CSMD1: variants seen among roughly 807,000 people sequenced by gnomAD.
CSMD1 encodes CUB and sushi domain-containing protein 1.
A neutral mutation model predicts 417.5 loss-of-function variants in CSMD1; 213 were observed. The ratio of observed to expected loss-of-function variants is 0.51; its 90% CI spans 0.46 to 0.57. CSMD1 has a LOEUF of 0.57. Ranked by LOEUF, CSMD1 falls within the 20% of genes least tolerant of loss-of-function variation. The pLI, the probability that CSMD1 is intolerant of heterozygous loss-of-function variation, is 0.00. For missense variants in CSMD1, 6,923 were observed against 4,529.7 expected, an observed-to-expected ratio of 1.53 and a Z score of -15.17; for synonymous variants, 2,862 against 1,736.8, an observed-to-expected ratio of 1.65 and a Z score of -16.11.
At chr8:4,915,904 T>G (rs1806034365) in intron 1 of CSMD1, among the ~76,000 whole-genome samples, 1 of 152,120 alleles carries the variant, frequency 6.6e-6, no homozygotes, top group Admixed American at 6.6e-5. Context: ...CAGGCAGGAG[T>G]GGCTCTTCAT....
At position 3,588,049 on chromosome 8, in the gene CSMD1, G is replaced by C. The variant is rs527236649; in HGVS notation, c.1098-1789C>G. Among the ~76,000 whole-genome samples the C allele has an allele frequency of 4.4e-4, 67 of 151,596 alleles. 2 individuals carry two copies. In the East Asian group the frequency reaches 0.011, roughly 26 times the overall value. ...TCTGCCGCCATCGTTTTTGATCATTGGTCTGTGTTTAAACCTCATTTAAGA... is the reference window on the plus strand; with the variant it reads ...TCTGCCGCCATCGTTTTTGATCATTCGTCTGTGTTTAAACCTCATTTAAGA... On this transcript the variant is annotated intron_variant, in intron 8 of 69. Transcript: ENST00000635120.
At chr8:3,142,785 G>A (rs1818584335) in intron 40 of CSMD1, 111 bp from the exon 41 acceptor site, 7 of 932,716 alleles carry the variant, frequency 7.5e-6, no homozygotes, top group Non-Finnish European at 1.2e-5. Flanking sequence ...CCCTCTCTGT[G>A]AGACAGAACC....
At chr8:4,219,021 T>C (rs898598551) in intron 3 of CSMD1, among the ~76,000 whole-genome samples, 3 of 152,168 alleles carry the variant, frequency 2.0e-5, no homozygotes, top group Admixed American at 2.0e-4. Context: ...AAGTCACACT[T>C]TGTGTCATTT....
At chr8:3,234,149 G>A (rs1799015464) in intron 26 of CSMD1, among the ~76,000 whole-genome samples, 1 of 152,142 alleles carries the variant, frequency 6.6e-6, no homozygotes, top group South Asian at 2.1e-4. Context: ...CATCACAGAG[G>A]ATCAGCAGAG....
At chr8:4,909,929 C>G (rs1805551646) in intron 1 of CSMD1, among the ~76,000 whole-genome samples, 2 of 152,298 alleles carry the variant, frequency 1.3e-5, no homozygotes, top group Middle Eastern at 3.4e-3. Context: ...GAGCCCTTTA[C>G]ACGACTAGCT....
chr8:4,611,590 C>T (rs537393609), intron 2 of CSMD1, among the ~76,000 whole-genome samples: 1 of 152,246 alleles, frequency 6.6e-6, no homozygotes, highest in East Asian at 1.9e-4. Flanking sequence ...CCTCACCTCA[C>T]CAGAAGATGA....
chr8:4,308,389 G>C (rs1174511562), intron 3 of CSMD1, among the ~76,000 whole-genome samples: 2 of 151,794 alleles, frequency 1.3e-5, no homozygotes, highest in African/African-American at 2.4e-5. Context: ...ACAGTCTGTG[G>C]TGTATTCGTG....
chr8:3,171,211 C>CTATACTTCCTG (rs1820563373), intron 37 of CSMD1, among the ~76,000 whole-genome samples: 1 of 152,164 alleles, frequency 6.6e-6, no homozygotes, highest in East Asian at 1.9e-4. Context: ...TATAAAGTAT[C>CTATACTTCCTG]GCATGACTTC....
chr8:3,269,760 A>G (rs1801702600), intron 26 of CSMD1, among the ~76,000 whole-genome samples: 1 of 152,164 alleles, frequency 6.6e-6, no homozygotes, highest in East Asian at 1.9e-4. Context: ...AGCTTTAATG[A>G]AAAGTGTCAG....
At chr8:4,796,756 C>A (rs1416875864) in intron 1 of CSMD1, among the ~76,000 whole-genome samples, 1 of 152,184 alleles carries the variant, frequency 6.6e-6, no homozygotes, top group African/African-American at 2.4e-5. Context: ...TCAGTGGAGC[C>A]GAATTCAGTC....
chr8:3,838,972 TATA>T (rs1258691209), intron 5 of CSMD1, among the ~76,000 whole-genome samples: 1 of 52,550 alleles, frequency 1.9e-5, no homozygotes, highest in Admixed American at 1.7e-4. Flanking sequence ...TAATATTATA[TATA>T]ATATATTATA....
At chr8:3,512,992 G>C (rs1429347291) in intron 10 of CSMD1, among the ~76,000 whole-genome samples, 1 of 152,106 alleles carries the variant, frequency 6.6e-6, no homozygotes, top group Non-Finnish European at 1.5e-5. Context: ...CCCTATGAAA[G>C]GCATTAGCAT....
At chr8:4,458,746 T>A (rs943746052) in intron 2 of CSMD1, among the ~76,000 whole-genome samples, 1 of 152,204 alleles carries the variant, frequency 6.6e-6, no homozygotes, top group African/African-American at 2.4e-5. Context: ...TTTTGTTACT[T>A]ACAAAAACAT....
intron 5 of CSMD1, among the ~76,000 whole-genome samples, chr8:3,913,101 T>C (rs1343878434): frequency 1.3e-5 from 2 of 152,164 alleles, no homozygotes; most frequent in East Asian, 1.9e-4. Context: ...TGTGTGTCTG[T>C]GTTGCAGTGG....
At chr8:3,459,341 A>C (rs572807530) in intron 12 of CSMD1, among the ~76,000 whole-genome samples, 1 of 152,176 alleles carries the variant, frequency 6.6e-6, no homozygotes, top group Non-Finnish European at 1.5e-5. Context: ...CACAGGGTAC[A>C]CAACACAGCG....
At chr8:4,721,051 C>G (rs1809022828) in intron 1 of CSMD1, among the ~76,000 whole-genome samples, 1 of 152,076 alleles carries the variant, frequency 6.6e-6, no homozygotes, top group Non-Finnish European at 1.5e-5. Flanking sequence ...TAAAACCACT[C>G]TAATAATAAA....
At chr8:4,592,842 TTGAAA>T (rs1180644543) in intron 2 of CSMD1, among the ~76,000 whole-genome samples, 1 of 152,240 alleles carries the variant, frequency 6.6e-6, no homozygotes, top group East Asian at 1.9e-4. Context: ...TGTAATACTA[TTGAAA>T]TGAATTTCCA....
chr8:3,123,022 C>G (rs1269290622), intron 41 of CSMD1, among the ~76,000 whole-genome samples: 1 of 152,174 alleles, frequency 6.6e-6, no homozygotes, highest in East Asian at 1.9e-4. Flanking sequence ...ACAATTATGT[C>G]TTAAAGGACG....
chr8:3,909,005 T>G (rs1225064171), intron 5 of CSMD1, among the ~76,000 whole-genome samples: 5 of 152,218 alleles, frequency 3.3e-5, no homozygotes, highest in Non-Finnish European at 7.3e-5. Context: ...CCTTCACTAC[T>G]GTAGGAGGCT....
Sources: gnomAD v4.1 joint callset for allele counts (sites outside exome capture counted in the v4.1 genomes callset) on GRCh38, gnomAD v4.1.1 for gene constraint, MANE v1.5 for transcripts, NCBI Gene and HGNC (gene_info 2026-07-23, HGNC 2026-07-21) for gene names.